The following ARHGEF18 variants were observed in gnomAD, a reference collection of about 807,000 sequenced individuals.
ARHGEF18 encodes the protein rho guanine nucleotide exchange factor 18.
In ARHGEF18, 93 loss-of-function variants were observed where a neutral mutation model predicts 155.7. The ratio of observed to expected loss-of-function variants is 0.60; its 90% CI spans 0.50 to 0.71. The LOEUF (loss-of-function observed/expected upper bound fraction) is 0.71. Ranked by LOEUF, ARHGEF18 falls within the 30% of genes least tolerant of loss-of-function variation. The pLI is 0.00. For synonymous variants in ARHGEF18, 742 were observed against 753.1 expected (o/e 0.99, Z 0.24); for missense variants, 1,593 against 1,816.1 (o/e 0.88, Z 2.23).
intron 15 of ARHGEF18, among the ~76,000 whole-genome samples, chr19:7,449,129 C>T (rs1047354356): frequency 5.3e-5 from 8 of 152,252 alleles, no homozygotes; most frequent in South Asian, 2.1e-4. Flanking sequence ...AATCCCACAG[C>T]GGCTCCGGGC....
intron 2 of ARHGEF18, among the ~76,000 whole-genome samples, chr19:7,368,615 TGAGGGAG>T (rs1970050658): frequency 6.6e-6 from 1 of 151,940 alleles, no homozygotes; most frequent in South Asian, 2.1e-4. Flanking sequence ...CTGCCTCCTC[TGAGGGAG>T]GCCAGATGCA....
intron 10 of ARHGEF18, among the ~76,000 whole-genome samples, chr19:7,408,810 G>C (rs1972490670): frequency 6.6e-6 from 1 of 152,204 alleles, no homozygotes. Flanking sequence ...GGGAGGCTAA[G>C]GCGGGAGGAT....
At chr19:7,465,222 T>A (rs1308561467) in intron 23 of ARHGEF18, among the ~76,000 whole-genome samples, 2 of 152,066 alleles carry the variant, frequency 1.3e-5, no homozygotes, top group Non-Finnish European at 2.9e-5. Flanking sequence ...CAGCCCCTCG[T>A]TTTCCAAACA....
At chr19:7,469,724 T>A (rs1018226176) in intron 27 of ARHGEF18, among the ~76,000 whole-genome samples, 180 bp from the exon 28 acceptor site, 1 of 151,862 alleles carries the variant, frequency 6.6e-6, no homozygotes, top group Admixed American at 6.6e-5. Context: ...CGCAGGGAGG[T>A]TGGGGCCGTT....
chr19:7,431,535 G>T (rs565470503), intron 10 of ARHGEF18, among the ~76,000 whole-genome samples: 47 of 131,378 alleles, frequency 3.6e-4, no homozygotes, highest in Admixed American at 1.2e-3. Flanking sequence ...AAAAAAAAAG[G>T]CCGGGCTCAG....
intron 17 of ARHGEF18, among the ~76,000 whole-genome samples, chr19:7,454,734 G>A (rs1428071539): frequency 1.3e-5 from 2 of 152,092 alleles, no homozygotes; most frequent in Non-Finnish European, 2.9e-5. Context: ...ACACCAGGAG[G>A]GCATGCTGAG....
At chr19:7,353,577 T>C (rs2145310053) in intron 1 of ARHGEF18, among the ~76,000 whole-genome samples, 1 of 136,784 alleles carries the variant, frequency 7.3e-6, no homozygotes, top group East Asian at 2.2e-4. Context: ...GCAACAAAAG[T>C]GAAACTCCAT....
At chr19:7,468,164 G>A (rs1196453102) in intron 26 of ARHGEF18, among the ~76,000 whole-genome samples, 1 of 150,518 alleles carries the variant, frequency 6.6e-6, no homozygotes, top group African/African-American at 2.5e-5. Context: ...TCACGCCACT[G>A]CACTCCAGCC....
intron 10 of ARHGEF18, among the ~76,000 whole-genome samples, chr19:7,397,515 C>T (rs1350781336): frequency 3.3e-5 from 5 of 151,904 alleles, no homozygotes; most frequent in Non-Finnish European, 5.9e-5. Flanking sequence ...GGGCAGATCA[C>T]GAGGTCAGGA....
At chr19:7,442,133 CCTTCCTTCCTTCCTTCCTTCCTTCCT>C in intron 13 of ARHGEF18, 81 bp downstream of exon 13, 2 of 127,050 alleles carry the variant, frequency 1.6e-5, no homozygotes, top group Non-Finnish European at 2.1e-5. Context: ...TCCCTTCCTT[CCTTCCTTCCTTCCTTCCTTCCTTCCT>C]TCCTTCCTTC....
intron 10 of ARHGEF18, among the ~76,000 whole-genome samples, chr19:7,385,891 C>T (rs1421803910): frequency 1.2e-4 from 5 of 41,406 alleles, no homozygotes; most frequent in Non-Finnish European, 1.7e-4. Flanking sequence ...TCTCTCCCTC[C>T]CTCCCTCTCT....
At chr19:7,452,980 G>A (rs1459643582) in intron 16 of ARHGEF18, among the ~76,000 whole-genome samples, 1 of 151,802 alleles carries the variant, frequency 6.6e-6, no homozygotes, top group Non-Finnish European at 1.5e-5. Flanking sequence ...CGGATCACTT[G>A]AAGTCAGGAG....
intron 23 of ARHGEF18, 107 bp from the exon 24 acceptor site, chr19:7,466,811 A>C (rs574971949): frequency 9.6e-7 from 1 of 1,041,030 alleles, no homozygotes; most frequent in South Asian, 1.5e-5. Context: ...TCTCAAAAAA[A>C]AAAAAAAAAA....
chr19:7,367,468 C>T (rs1600199820), intron 2 of ARHGEF18, among the ~76,000 whole-genome samples: 6 of 151,764 alleles, frequency 4.0e-5, no homozygotes, highest in Admixed American at 2.6e-4. Flanking sequence ...TAGCTGGGGC[C>T]GGGCGTGGTG....
At chr19:7,387,399 G>T (rs745491543) in intron 10 of ARHGEF18, among the ~76,000 whole-genome samples, 18 of 152,038 alleles carry the variant, frequency 1.2e-4, no homozygotes, top group Admixed American at 1.2e-3. Flanking sequence ...TGATCTGCCC[G>T]TCTCGGTCTC....
chr19:7,365,153 C>T (rs1046756259), intron 2 of ARHGEF18, among the ~76,000 whole-genome samples: 1 of 152,200 alleles, frequency 6.6e-6, no homozygotes, highest in African/African-American at 2.4e-5. Context: ...AATCACAGCA[C>T]TTTGGGAGGC....
At chr19:7,363,630 G>T (rs1218633045) in intron 2 of ARHGEF18, among the ~76,000 whole-genome samples, 3 of 151,786 alleles carry the variant, frequency 2.0e-5, no homozygotes, top group Non-Finnish European at 4.4e-5. Context: ...AAAGAGGATG[G>T]ATAAATGAAA....
Position 7,451,153 on chromosome 19 carries a change from T to G in ARHGEF18, c.1742T>G (p.Ile581Ser). 1 of 1,583,536 alleles carries G rather than the reference T, an allele frequency of 6.3e-7. No individual in the cohort carries two copies. Among genetic ancestry groups the G allele is most frequent in the Non-Finnish European group, 8.6e-7 (1 of 1,167,848 alleles). The change falls in exon 16 of 29, where the codon ATT (isoleucine) becomes AGT (serine). Residue 581 changes from isoleucine to serine, a missense_variant. Coordinates refer to ENST00000668164, the MANE Select transcript of ARHGEF18 (RefSeq NM_001367823.1). ...NKKFQNLIKK[I>S]GNFSIVRRLG... The stretch of plus-strand genomic sequence containing the variant: ...ATCTTGCTTTCTGTTTCCTAGAAAA[T>G]TGGCAACTTCTCCATCGTGCGGCGG...
At position 7,400,414 on chromosome 19, in the gene ARHGEF18, A is replaced by G. The variant is rs1425117448; in HGVS notation, c.967+17211A>G. On this transcript the variant is annotated intron_variant, in intron 10 of 28. Coordinates refer to ENST00000668164, the MANE Select transcript of ARHGEF18 (RefSeq NM_001367823.1). ...GTGTTCCTCCTGCCTTAGCCTCCTG[A>G]GTAGCTGGGACTACAAGCATCAGCC... Among the ~76,000 whole-genome samples the G allele has an allele frequency of 2.0e-5, 3 of 152,242 alleles. No individual in the cohort carries two copies. In the East Asian group the frequency reaches 5.8e-4, roughly 29 times the overall value.
Sources: gnomAD v4.1 joint callset for allele counts (sites outside exome capture counted in the v4.1 genomes callset) on GRCh38, gnomAD v4.1.1 for gene constraint, MANE v1.5 for transcripts, NCBI Gene and HGNC (gene_info 2026-07-23, HGNC 2026-07-21) for gene names.